PLCB1: variants seen among roughly 807,000 people sequenced by gnomAD.
The protein encoded by PLCB1 is phospholipase C beta 1, also known as 1-phosphatidylinositol 4,5-bisphosphate phosphodiesterase beta-1.
In PLCB1, 46 loss-of-function variants were observed where a neutral mutation model predicts 161.8. That is an observed-to-expected ratio of 0.28 (90% CI 0.22 to 0.36). The LOEUF (loss-of-function observed/expected upper bound fraction) is 0.36, where lower values mean the gene tolerates loss of function less well. Ranked by LOEUF, PLCB1 falls within the 10% of genes least tolerant of loss-of-function variation. The pLI is 1.00. For missense variants in PLCB1, 1,016 were observed against 1,472.5 expected, an observed-to-expected ratio of 0.69 and a Z score of 5.07; for synonymous variants, 517 against 503.7, an observed-to-expected ratio of 1.03 and a Z score of -0.35.
At chr20:8,336,646 AG>A (rs1228714817) in intron 2 of PLCB1, among the ~76,000 whole-genome samples, 1 of 152,212 alleles carries the variant, frequency 6.6e-6, no homozygotes, top group Non-Finnish European at 1.5e-5. Context: ...TTTGAGGAAT[AG>A]GTGTCTAGCT....
intron 3 of PLCB1, among the ~76,000 whole-genome samples, chr20:8,372,893 TC>T (rs747958259): frequency 1.3e-5 from 2 of 152,228 alleles, no homozygotes; most frequent in Non-Finnish European, 2.9e-5. Context: ...CGACACTGCA[TC>T]AGAGCCCTGT....
chr20:8,384,137 C>T (rs1987348928), intron 3 of PLCB1, among the ~76,000 whole-genome samples: 1 of 152,120 alleles, frequency 6.6e-6, no homozygotes, highest in Non-Finnish European at 1.5e-5. Flanking sequence ...TTTTCATTCT[C>T]CTTGTCCCTG....
chr20:8,812,548 G>A (rs192659726), intron 31 of PLCB1, among the ~76,000 whole-genome samples: 9 of 152,262 alleles, frequency 5.9e-5, no homozygotes, highest in Admixed American at 4.6e-4. Context: ...ACTCTACCGG[G>A]GCATCTCGCC....
intron 31 of PLCB1, among the ~76,000 whole-genome samples, chr20:8,850,445 TA>T (rs1293248161): frequency 6.6e-6 from 1 of 152,194 alleles, no homozygotes; most frequent in African/African-American, 2.4e-5. Context: ...GATAAAAGGC[TA>T]AACTTCCCAA....
chr20:8,489,423 A>T (rs1481560972), intron 3 of PLCB1, among the ~76,000 whole-genome samples: 1 of 152,208 alleles, frequency 6.6e-6, no homozygotes. Context: ...ACCTAGTTAA[A>T]TAAATCGTTG....
intron 3 of PLCB1, among the ~76,000 whole-genome samples, chr20:8,603,227 T>C (rs947976638): frequency 6.6e-6 from 1 of 152,188 alleles, no homozygotes; most frequent in Non-Finnish European, 1.5e-5. Flanking sequence ...TCATTGACTT[T>C]AACTCTCTCT....
chr20:8,480,089 G>A (rs746805008), intron 3 of PLCB1, among the ~76,000 whole-genome samples: 38 of 152,248 alleles, frequency 2.5e-4, no homozygotes, highest in East Asian at 1.9e-4. Flanking sequence ...CTCTAGGGTC[G>A]CCAGGTAATA....
At chr20:8,584,940 C>T (rs1021381938) in intron 3 of PLCB1, among the ~76,000 whole-genome samples, 1 of 152,182 alleles carries the variant, frequency 6.6e-6, no homozygotes, top group Non-Finnish European at 1.5e-5. Flanking sequence ...CCCCCTGCCT[C>T]AGCCTCCAAA....
chr20:8,178,444 C>G (rs1370293382), intron 2 of PLCB1, among the ~76,000 whole-genome samples: 1 of 152,146 alleles, frequency 6.6e-6, no homozygotes, highest in Non-Finnish European at 1.5e-5. Flanking sequence ...TATTTGTCTT[C>G]TGTTGAAAAG....
chr20:8,607,285 G>A lies in PLCB1; in HGVS notation c.247-21009G>A, dbSNP rs115809168. On this transcript the variant is annotated intron_variant, in intron 3 of 31. Transcript: ENST00000338037. ...CATCTTAATTGGCTTCCTGCCTCCA[G>A]TTTTGCACATTGGCAGACAAAGTGA... Among the ~76,000 whole-genome samples the A allele has an allele frequency of 2.7e-3, 413 of 152,270 alleles. 4 individuals carry two copies. The highest frequency in any genetic ancestry group is 9.1e-3 in the African/African-American group (377 of 41,552).
rs560549153 is a variant in PLCB1 at position 8,315,720 on chromosome 20, T to C, written c.178-55662T>C. 3.3e-5 allele frequency among the ~76,000 whole-genome samples: 5 copies of C among 152,268 alleles called. No homozygotes were observed. In the East Asian group the frequency reaches 9.7e-4, roughly 29 times the overall value. The stretch of plus-strand genomic sequence containing the variant: ...TGTGTCTGCCGGTCTTGCTTACATA[T>C]TTCCTGCTATTCTGCCCCAAGACAG... On this transcript the variant is annotated intron_variant, in intron 2 of 31. Coordinates refer to ENST00000338037, the MANE Select transcript of PLCB1 (RefSeq NM_015192.4).
chr20:8,260,572 T>C (rs1425159940), intron 2 of PLCB1, among the ~76,000 whole-genome samples: 1 of 151,966 alleles, frequency 6.6e-6, no homozygotes, highest in African/African-American at 2.4e-5. Context: ...CTGTGACCAG[T>C]GTGGGAGTAT....
intron 3 of PLCB1, among the ~76,000 whole-genome samples, chr20:8,586,363 T>C (rs1986991647): frequency 6.6e-6 from 1 of 152,128 alleles, no homozygotes; most frequent in African/African-American, 2.4e-5. Context: ...ATGGTTTTTT[T>C]TTTTGCCTAA....
intron 27 of PLCB1, among the ~76,000 whole-genome samples, chr20:8,780,741 T>C (rs1010905923): frequency 6.6e-6 from 1 of 152,242 alleles, no homozygotes; most frequent in East Asian, 1.9e-4. Flanking sequence ...AATCAGGTGC[T>C]GAGTGGGGGG....
intron 2 of PLCB1, among the ~76,000 whole-genome samples, chr20:8,286,877 G>A (rs73895746): frequency 0.026 from 3,901 of 152,102 alleles, 132 homozygotes; most frequent in African/African-American, 0.078. Flanking sequence ...AAGTATCATG[G>A]TTTTGGCCTG....
At chr20:8,487,482 AATC>A (rs1406228042) in intron 3 of PLCB1, among the ~76,000 whole-genome samples, 2 of 152,170 alleles carry the variant, frequency 1.3e-5, no homozygotes, top group African/African-American at 4.8e-5. Flanking sequence ...GCTTTGCAAC[AATC>A]ATCTGTGGTG....
chr20:8,841,497 T>C lies in PLCB1; in HGVS notation c.3424-40125T>C, dbSNP rs941106616. 2.0e-5 allele frequency among the ~76,000 whole-genome samples: 3 copies of C among 152,242 alleles called. No individual in the cohort carries two copies. In the South Asian group the frequency reaches 6.2e-4, roughly 32 times the overall value. On this transcript the variant is annotated intron_variant, in intron 31 of 31. Transcript: ENST00000338037. ...CAGATCATTATTAAAAGGAAATCAGTACAATGATTGTGATTAAGATCAACA... is the reference window on the plus strand; with the variant it reads ...CAGATCATTATTAAAAGGAAATCAGCACAATGATTGTGATTAAGATCAACA...
At chr20:8,689,528 A>G (rs1249084783) in intron 10 of PLCB1, among the ~76,000 whole-genome samples, 2 of 152,190 alleles carry the variant, frequency 1.3e-5, no homozygotes, top group African/African-American at 2.4e-5. Context: ...TTGTATGCCA[A>G]TTTTGCTGAG....
intron 27 of PLCB1, among the ~76,000 whole-genome samples, chr20:8,781,768 G>A (rs929308226): frequency 1.1e-4 from 16 of 152,152 alleles, no homozygotes; most frequent in African/African-American, 3.1e-4. Flanking sequence ...TGACGTGGAT[G>A]GCGGCAGGCA....
Sources: gnomAD v4.1 joint callset for allele counts (sites outside exome capture counted in the v4.1 genomes callset) on GRCh38, gnomAD v4.1.1 for gene constraint, MANE v1.5 for transcripts, NCBI Gene and HGNC (gene_info 2026-07-23, HGNC 2026-07-21) for gene names.